The following ODAD4 variants were observed in gnomAD, a reference collection of about 807,000 sequenced individuals.
ODAD4 encodes the protein outer dynein arm docking complex subunit 4.
A neutral mutation model predicts 51.8 loss-of-function variants in ODAD4; 49 were observed. That is an observed-to-expected ratio of 0.95 (90% CI 0.75 to 1.20). The LOEUF is 1.20. Among genes scored for constraint, ODAD4 ranks in the 50% most tolerant of loss-of-function variants. ODAD4 has a pLI of 0.00. For missense variants in ODAD4, 590 were observed against 586.5 expected, an observed-to-expected ratio of 1.01 and a Z score of -0.06; for synonymous variants, 235 against 221.3, an observed-to-expected ratio of 1.06 and a Z score of -0.55.
At chr17:41,944,233 C>T (rs2050545783) in intron 7 of ODAD4, among the ~76,000 whole-genome samples, 1 of 150,952 alleles carries the variant, frequency 6.6e-6, no homozygotes, top group African/African-American at 2.4e-5. Context: ...GGCGTGGTGG[C>T]ATGTGCCTGG....
chr17:41,957,201 A>G (rs542475686), intron 10 of ODAD4, among the ~76,000 whole-genome samples: 65 of 152,028 alleles, frequency 4.3e-4, no homozygotes, highest in African/African-American at 1.5e-3. Context: ...CCCAGCCCTC[A>G]TTTTCTCTTA....
In ODAD4 at chr17:41,939,149, G is replaced by A; in HGVS notation, c.1035G>A (p.Lys345=). The A allele has an allele frequency of 6.2e-7, 1 of 1,613,868 alleles. No homozygotes were observed. The highest frequency in any genetic ancestry group is 8.5e-7 in the Non-Finnish European group (1 of 1,179,834). Reference sequence around the variant, plus strand: ...AGGCAGCCCTGCAGAGCCACAGAAAGGACCTGGAGATCGCCAAGGAATAGT... The same window carrying A: ...AGGCAGCCCTGCAGAGCCACAGAAAAGACCTGGAGATCGCCAAGGAATAGT... ...QMEAALQSHR[K]DLEIAKEYDL... The change falls in exon 7 of 12, where the codon AAG becomes AAA. Residue 345 remains lysine, a synonymous_variant. Coordinates refer to ENST00000377540, the MANE Select transcript of ODAD4 (RefSeq NM_031421.5).
chr17:41,934,374 CAG>C (rs2050395240), intron 1 of ODAD4, among the ~76,000 whole-genome samples: 2 of 150,976 alleles, frequency 1.3e-5, no homozygotes, highest in Admixed American at 1.3e-4. Context: ...TTTTTTGAGA[CAG>C]AGTCTCATTC....
rs782462113 is a variant in ODAD4, at chr17:41,935,357, A to G, written c.246+9A>G. 4 of 1,613,368 alleles carry G rather than the reference A, an allele frequency of 2.5e-6. No homozygotes were observed. The highest frequency in any genetic ancestry group is 1.1e-5 in the South Asian group (1 of 91,006). On this transcript the variant is annotated intron_variant, in intron 2 of 11. Transcript: ENST00000377540. ...ACCCAGCTTTCTGTAAGGTGACTGC[A>G]TGGGCGGGAGGACTGGATCCTGCCA...
At chr17:41,942,385 G>T (rs1172854238) in intron 7 of ODAD4, among the ~76,000 whole-genome samples, 1 of 151,686 alleles carries the variant, frequency 6.6e-6, no homozygotes, top group African/African-American at 2.4e-5. Flanking sequence ...CAGTGCCCAC[G>T]GCACTCATTT....
At chr17:41,954,505 C>A (rs1456615459) in intron 9 of ODAD4, among the ~76,000 whole-genome samples, 2 of 151,940 alleles carry the variant, frequency 1.3e-5, no homozygotes, top group Non-Finnish European at 2.9e-5. Context: ...GCATCCAGCC[C>A]TCTGTGCTTT....
intron 8 of ODAD4, among the ~76,000 whole-genome samples, chr17:41,946,306 G>T (rs1179448440): frequency 6.6e-6 from 1 of 152,008 alleles, no homozygotes; most frequent in Non-Finnish European, 1.5e-5. Flanking sequence ...GACACTGGCT[G>T]CCAATTTATC....
intron 8 of ODAD4, among the ~76,000 whole-genome samples, chr17:41,947,467 G>A (rs949087401): frequency 7.1e-6 from 1 of 141,162 alleles, no homozygotes; most frequent in Admixed American, 7.2e-5. Flanking sequence ...CCTGGGTGAC[G>A]CAGCAAGACT....
chr17:41,935,292 G>A lies in ODAD4; in HGVS notation c.190G>A (p.Glu64Lys). 6.2e-7 allele frequency: 1 copy of A among 1,614,002 alleles called. No homozygotes were observed. The highest frequency in any genetic ancestry group is 8.5e-7 in the Non-Finnish European group (1 of 1,179,894). ...GTGCTTCCTGAAGATGGGAGACTTGGAGAGATCCCTGAAGGATGCTGAGGC... is the reference window on the plus strand; with the variant it reads ...GTGCTTCCTGAAGATGGGAGACTTGAAGAGATCCCTGAAGGATGCTGAGGC... Reference protein sequence around the residue: ...SKCFLKMGDLERSLKDAEASL... With the variant: ...SKCFLKMGDLKRSLKDAEASL... Residue 64 changes from glutamate (E) to lysine (K), a missense_variant, in exon 2 of 12, where the codon GAG (glutamate) becomes AAG (lysine). Around this residue, in one of 3 missense-constraint regions of ODAD4, gnomAD observed 360 missense variants for 407.5 expected, o/e 0.88. Transcript: ENST00000377540.
At chr17:41,938,001 T>C (rs2050450928) in intron 5 of ODAD4, among the ~76,000 whole-genome samples, 1 of 152,212 alleles carries the variant, frequency 6.6e-6, no homozygotes, top group African/African-American at 2.4e-5. Context: ...CACATCTCCT[T>C]AGCAACAGGC....
chr17:41,961,284 T>G (rs1598093150), intron 10 of ODAD4, 98 bp from the exon 11 acceptor site: 4 of 667,844 alleles, frequency 6.0e-6, no homozygotes, highest in African/African-American at 1.8e-5. Flanking sequence ...GGGTGGCAGG[T>G]TCCCACCAGA....
chr17:41,952,449 A>C (rs1555640268), intron 9 of ODAD4, among the ~76,000 whole-genome samples: 1 of 140,518 alleles, frequency 7.1e-6, no homozygotes, highest in Non-Finnish European at 1.5e-5. Flanking sequence ...AGGTAGAAGG[A>C]TCACTTGAGC....
chr17:41,938,877 C>T, intron 6 of ODAD4, 88 bp from the exon 7 acceptor site: 2 of 1,571,752 alleles, frequency 1.3e-6, no homozygotes, highest in Non-Finnish European at 1.7e-6. Flanking sequence ...TCTCTCAGAC[C>T]TGCAGATGGT....
At chr17:41,936,662 C>T in intron 4 of ODAD4, 100 bp from the exon 5 acceptor site, 2 of 1,546,312 alleles carry the variant, frequency 1.3e-6, no homozygotes, top group Non-Finnish European at 1.8e-6. Context: ...ACAGAAAGGT[C>T]CTGGAGTTGG....
chr17:41,933,750 A>G (rs35455419), intron 1 of ODAD4, among the ~76,000 whole-genome samples: 133,890 of 151,744 alleles, frequency 0.88, 59,437 homozygotes, highest in East Asian at 1. Context: ...GGACTCGGAG[A>G]TTGCAGTGAG....
chr17:41,965,028 G>A lies in ODAD4; in HGVS notation c.1564G>A (p.Glu522Lys), dbSNP rs782723414. 1.4e-6 allele frequency: 1 copy of A among 725,664 alleles called. No homozygotes were observed. The highest frequency in any genetic ancestry group is 1.5e-5 in the South Asian group (1 of 67,512). The allele number at this position is 725,664 out of a possible 1,614,324, so 45.0% of individuals were successfully genotyped here. The change falls in exon 12 of 12, where the codon GAG (glutamate) becomes AAG (lysine). Residue 522 changes from glutamate (E) to lysine (K), a missense_variant. Physicochemically the swap from Glu to Lys is moderately conservative, Grantham distance 56. This residue lies in a region of ODAD4 where 226 missense variants were observed against 162.7 expected (regional missense o/e 1.39). Coordinates refer to ENST00000377540, the MANE Select transcript of ODAD4 (RefSeq NM_031421.5). ...GTATGAAGATAGAATAATAACAAGA[G>A]AGAAGGACATGAGGAGAGTGAGAGA... ...SLYEDRIITREKDMRRVRDEP... is the reference protein window; with the variant it reads ...SLYEDRIITRKKDMRRVRDEP...
intron 10 of ODAD4, among the ~76,000 whole-genome samples, chr17:41,959,702 G>A (rs2050778941): frequency 6.6e-6 from 1 of 152,216 alleles, no homozygotes; most frequent in Admixed American, 6.5e-5. Flanking sequence ...CCCGGTGGCG[G>A]GGGATGGTGG....
At chr17:41,961,544 G>T in intron 11 of ODAD4, 78 bp downstream of exon 11, 2 of 702,186 alleles carry the variant, frequency 2.8e-6, no homozygotes, top group Non-Finnish European at 5.3e-6. Flanking sequence ...AGACACATGC[G>T]ACAGCAGCTC....
Position 41,965,180 on chromosome 17 carries a change from A to C in ODAD4, c.1716A>C (p.Gly572=). Residue 572 remains glycine (G), a synonymous_variant, in exon 12 of 12, where the codon GGA becomes GGC. Transcript: ENST00000377540. ...GCGGAAAGCAGAGTGTGGAAGCAGG[A>C]AAAGCCAGAAGCGATTTGGGAGCAG... The part of the protein sequence containing the change: ...PASGKQSVEA[G]KARSDLGAVA... 1.3e-6 allele frequency: 1 copy of C among 773,570 alleles called. No individual in the cohort carries two copies. Among genetic ancestry groups the C allele is most frequent in the Non-Finnish European group, 2.4e-6 (1 of 414,564 alleles). 47.9% of individuals were successfully genotyped at this position (773,570 alleles called of 1,614,324 possible). A position where few individuals can be genotyped will look rare whatever the true frequency, so the allele number is the denominator to read the frequency against.
Sources: gnomAD v4.1 joint callset for allele counts (sites outside exome capture counted in the v4.1 genomes callset) on GRCh38, gnomAD v4.1.1 for gene constraint, gnomAD v4.1.1 regional missense constraint, MANE v1.5 for transcripts, NCBI Gene and HGNC (gene_info 2026-07-23, HGNC 2026-07-21) for gene names.